The following RNF168 variants were observed in gnomAD, a reference collection of about 807,000 sequenced individuals.
RNF168 encodes the protein E3 ubiquitin-protein ligase RNF168.
A neutral mutation model predicts 34.9 loss-of-function variants in RNF168; 34 were observed. The observed-to-expected ratio is 0.97, with a 90% CI of 0.74 to 1.30. The LOEUF (loss-of-function observed/expected upper bound fraction) is 1.30. Among genes scored for constraint, RNF168 ranks in the 50% most tolerant of loss-of-function variants. RNF168 has a pLI of 0.00. For synonymous variants in RNF168, 264 were observed against 254.7 expected (o/e 1.04, Z -0.35); for missense variants, 725 against 682.5 (o/e 1.06, Z -0.69).
intron 4 of RNF168, among the ~76,000 whole-genome samples, chr3:196,475,857 T>C (rs1732135086): frequency 6.8e-6 from 1 of 147,350 alleles, no homozygotes. Context: ...GCTAAATATT[T>C]TTTTTTCTTT....
intron 3 of RNF168, among the ~76,000 whole-genome samples, chr3:196,485,460 G>T (rs1181570915): frequency 1.3e-5 from 2 of 151,028 alleles, no homozygotes; most frequent in Non-Finnish European, 2.9e-5. Flanking sequence ...CTGCACTCCA[G>T]CCTGGGTGAC....
chr3:196,485,276 G>A (rs1352537431), intron 3 of RNF168, among the ~76,000 whole-genome samples: 1 of 152,152 alleles, frequency 6.6e-6, no homozygotes, highest in African/African-American at 2.4e-5. Flanking sequence ...GGGAGGCTGA[G>A]GTGGGTGGAT....
chr3:196,485,805 TC>T (rs1478823321), intron 3 of RNF168, among the ~76,000 whole-genome samples: 1 of 152,210 alleles, frequency 6.6e-6, no homozygotes, highest in Non-Finnish European at 1.5e-5. Context: ...CTATTGAACT[TC>T]CCATGATTCA....
intron 4 of RNF168, among the ~76,000 whole-genome samples, chr3:196,479,020 T>C (rs912657880): frequency 7.1e-6 from 1 of 141,012 alleles, no homozygotes; most frequent in Non-Finnish European, 1.5e-5. Flanking sequence ...ATTTTATTTA[T>C]TTTTTTTTGA....
chr3:196,497,145 C>G (rs1476959080), intron 1 of RNF168, among the ~76,000 whole-genome samples: 1 of 149,810 alleles, frequency 6.7e-6, no homozygotes, highest in South Asian at 2.1e-4. Context: ...GACTCTGTCT[C>G]AAAAAGAAAA....
Position 196,471,780 on chromosome 3 carries a change from C to T in RNF168, c.*39G>A. ...CATGATAGGAAAGAGCTTCACATTC[C>T]AGCTTTACTAGATCACAAAGCACTC... is the stretch of plus-strand genomic sequence containing the variant. On this transcript the variant is annotated 3_prime_UTR_variant, in exon 6 of 6. Coordinates refer to ENST00000318037, the MANE Select transcript of RNF168 (RefSeq NM_152617.4). The T allele has an allele frequency of 7.7e-7, 1 of 1,300,328 alleles. No homozygotes were observed. The highest frequency in any genetic ancestry group is 1.2e-5 in the South Asian group (1 of 84,574). The allele number at this position is 1,300,328 out of a possible 1,614,324, so 80.5% of individuals were successfully genotyped here.
At chr3:196,476,771 C>T (rs1732159985) in intron 4 of RNF168, among the ~76,000 whole-genome samples, 1 of 149,602 alleles carries the variant, frequency 6.7e-6, no homozygotes, top group African/African-American at 2.5e-5. Flanking sequence ...TTTTTTGAGA[C>T]AGAGTCTCAC....
chr3:196,490,351 GTC>G (rs1241684723), intron 1 of RNF168, among the ~76,000 whole-genome samples: 2 of 152,184 alleles, frequency 1.3e-5, no homozygotes, highest in Non-Finnish European at 2.9e-5. Context: ...GAACGCATCT[GTC>G]TGTTTCAAGG....
chr3:196,497,789 G>A (rs1051171450), intron 1 of RNF168, among the ~76,000 whole-genome samples: 1 of 152,078 alleles, frequency 6.6e-6, no homozygotes, highest in African/African-American at 2.4e-5. Flanking sequence ...AAATTTATGA[G>A]ACTTCATGAA....
intron 5 of RNF168, among the ~76,000 whole-genome samples, chr3:196,473,385 G>GT: frequency 6.6e-6 from 1 of 152,198 alleles, no homozygotes; most frequent in African/African-American, 2.4e-5. Context: ...AAAATGTGAG[G>GT]TAATAATGTG....
chr3:196,502,047 A>G (rs1372395394), intron 1 of RNF168, among the ~76,000 whole-genome samples: 1 of 145,948 alleles, frequency 6.9e-6, no homozygotes, highest in African/African-American at 2.6e-5. Context: ...GTGACCAAAA[A>G]AAATTAGAAA....
chr3:196,485,320 C>A (rs1365977721), intron 3 of RNF168, among the ~76,000 whole-genome samples: 3 of 151,952 alleles, frequency 2.0e-5, no homozygotes, highest in Non-Finnish European at 2.9e-5. Context: ...CCAGCCTGGC[C>A]AACATGGTGA....
intron 1 of RNF168, among the ~76,000 whole-genome samples, chr3:196,496,761 C>T (rs189834270): frequency 6.6e-6 from 1 of 152,286 alleles, no homozygotes; most frequent in African/African-American, 2.4e-5. Context: ...TCCAGCACTT[C>T]AGGAGGCTGA....
In RNF168 at chr3:196,503,313, A is replaced by G; in HGVS notation, c.-140T>C. 2.6e-6 allele frequency: 2 copies of G among 769,764 alleles called. No individual in the cohort carries two copies. Among genetic ancestry groups the G allele is most frequent in the Non-Finnish European group, 4.5e-6 (2 of 449,042 alleles). 47.7% of individuals were successfully genotyped at this position (769,764 alleles called of 1,614,324 possible). ...AGCGTATCAGAATTCGGAGAACAGG[A>G]GCATCCAACACGTCTTGAAGCAAAA... On this transcript the variant is annotated 5_prime_UTR_variant, in exon 1 of 6. Transcript: ENST00000318037.
Position 196,503,362 on chromosome 3 carries a change from C to A in RNF168, c.-189G>T. ...AAAGGCGCTCTCAGGGTCAGGCAAA[C>A]AGGAATACCCCGGAGGGCGGCGTCT... On this transcript the variant is annotated 5_prime_UTR_variant, in exon 1 of 6. Transcript: ENST00000318037. The A allele has an allele frequency of 1.6e-6, 1 of 625,700 alleles. No individual in the cohort carries two copies. The highest frequency in any genetic ancestry group is 1.8e-5 in the South Asian group (1 of 54,516). The allele number at this position is 625,700 out of a possible 1,614,324, so 38.8% of individuals were successfully genotyped here.
At chr3:196,491,541 G>C (rs1397303230) in intron 1 of RNF168, among the ~76,000 whole-genome samples, 1 of 151,518 alleles carries the variant, frequency 6.6e-6, no homozygotes, top group African/African-American at 2.4e-5. Context: ...AACTACTCGA[G>C]AGGCTGACAC....
chr3:196,489,344 T>G (rs79041090), intron 1 of RNF168, among the ~76,000 whole-genome samples: 1 of 151,918 alleles, frequency 6.6e-6, no homozygotes, highest in South Asian at 2.1e-4. Context: ...TTTTTTTTTT[T>G]GAGACAGAGT....
chr3:196,502,054 G>GAAAAA (rs554041803), intron 1 of RNF168, among the ~76,000 whole-genome samples: 11 of 50,050 alleles, frequency 2.2e-4, no homozygotes, highest in African/African-American at 3.5e-4. Flanking sequence ...AAAAAAATTA[G>GAAAAA]AAAAAAAAAA....
chr3:196,479,872 A>G (rs4393941), intron 4 of RNF168, among the ~76,000 whole-genome samples: 97,523 of 152,112 alleles, frequency 0.64, 32,323 homozygotes, highest in African/African-American at 0.76. Context: ...GATTACACGC[A>G]TAAGCTACTG....
Sources: allele counts gnomAD v4.1 joint callset (sites outside exome capture counted in the v4.1 genomes callset), GRCh38; gene constraint gnomAD v4.1.1; transcripts MANE v1.5; gene names NCBI Gene and HGNC (gene_info 2026-07-23, HGNC 2026-07-21).